ASTN2: variants seen among roughly 807,000 people sequenced by gnomAD.
ASTN2 encodes the protein astrotactin 2, also known as astrotactin-2.
In ASTN2, 54 loss-of-function variants were observed where a neutral mutation model predicts 139.8. The ratio of observed to expected loss-of-function variants is 0.39; its 90% confidence interval spans 0.31 to 0.48. The LOEUF is 0.48. Ranked by LOEUF, ASTN2 falls within the 20% of genes least tolerant of loss-of-function variation. The pLI is 0.95. For synonymous variants in ASTN2, 756 were observed against 719.5 expected (o/e 1.05, Z -0.81); for missense variants, 1,565 against 1,725.1 (o/e 0.91, Z 1.64).
intron 20 of ASTN2, among the ~76,000 whole-genome samples, chr9:116,454,354 T>C (rs1002007556): frequency 4.6e-5 from 7 of 152,038 alleles, no homozygotes; most frequent in Admixed American, 1.3e-4. Context: ...TTCTATTCCA[T>C]ATTGTACTGA....
In ASTN2 at chr9:116,699,433, A is replaced by G; in HGVS notation, c.2806+26338T>C. 1.2e-6 allele frequency: 2 copies of G among 1,614,148 alleles called. No individual in the cohort carries two copies. The highest frequency in any genetic ancestry group is 1.7e-6 in the Non-Finnish European group (2 of 1,180,014). The stretch of plus-strand genomic sequence containing the variant: ...GGCCCTGATGGGCAGCTGGGTCGCC[A>G]GATTAGCCACTTCTTCTCGGAGAAT... On this transcript the variant is annotated intron_variant, in intron 16 of 22. Transcript: ENST00000313400. The surrounding 1 kb of genome is among the most constrained non-coding windows in gnomAD (Gnocchi z 4.2).
At chr9:117,358,391 G>A (rs1829602557) in intron 1 of ASTN2, among the ~76,000 whole-genome samples, 1 of 145,666 alleles carries the variant, frequency 6.9e-6, no homozygotes, top group South Asian at 2.2e-4. Flanking sequence ...GTGAGGGTGT[G>A]GCTCCATCCC....
chr9:117,283,464 C>T (rs1289390721), intron 2 of ASTN2, among the ~76,000 whole-genome samples: 2 of 152,256 alleles, frequency 1.3e-5, no homozygotes, highest in East Asian at 3.9e-4. Context: ...GTATGTCCCA[C>T]TTTTGTAAAA....
intron 13 of ASTN2, among the ~76,000 whole-genome samples, chr9:116,790,616 T>C (rs1357999753): frequency 6.6e-6 from 1 of 151,986 alleles, no homozygotes; most frequent in Admixed American, 6.6e-5. Context: ...ATGCACTTGA[T>C]GAGTAGTCCT....
chr9:116,827,437 A>G (rs1480335297), intron 11 of ASTN2, among the ~76,000 whole-genome samples: 1 of 152,088 alleles, frequency 6.6e-6, no homozygotes, highest in East Asian at 1.9e-4. Flanking sequence ...AGCAATGCAA[A>G]GGATCAATGA....
At chr9:116,878,833 T>G (rs1833372151) in intron 10 of ASTN2, among the ~76,000 whole-genome samples, 1 of 151,716 alleles carries the variant, frequency 6.6e-6, no homozygotes, top group African/African-American at 2.4e-5. Flanking sequence ...GAGGATTATT[T>G]ATTCATAAAG....
intron 1 of ASTN2, among the ~76,000 whole-genome samples, chr9:117,374,730 T>C (rs888820887): frequency 6.6e-6 from 1 of 152,172 alleles, no homozygotes; most frequent in Non-Finnish European, 1.5e-5. Flanking sequence ...GAATAAAGCC[T>C]CATTTTGAGA....
At chr9:116,960,694 T>A (rs1835852800) in intron 10 of ASTN2, among the ~76,000 whole-genome samples, 2 of 152,096 alleles carry the variant, frequency 1.3e-5, no homozygotes, top group African/African-American at 4.8e-5. Flanking sequence ...CCAAATGTCT[T>A]CTGGGGGACA....
chr9:117,120,029 TATATATATATATATATATATACC>T (rs1829513971), intron 4 of ASTN2, among the ~76,000 whole-genome samples: 1 of 90,110 alleles, frequency 1.1e-5, no homozygotes, highest in Admixed American at 1.0e-4. Context: ...TATATATATA[TATATATATATATATATATATACC>T]CTGAGTATAT....
At chr9:116,684,590 G>A (rs186898270) in intron 16 of ASTN2, among the ~76,000 whole-genome samples, 4 of 152,246 alleles carry the variant, frequency 2.6e-5, no homozygotes, top group East Asian at 3.9e-4. Flanking sequence ...CTATAGATGA[G>A]AGTACTAATG....
At position 116,816,199 on chromosome 9, in the gene ASTN2, C is replaced by T. The variant is rs116226557; in HGVS notation, c.2207+4418G>A. ...TAAAATAAGTTCTCTTGGAAGTGTG[C>T]ATGGTAGACTCTGTAAACACATACA... On this transcript the variant is annotated intron_variant, in intron 12 of 22. Coordinates refer to ENST00000313400, the MANE Select transcript of ASTN2 (RefSeq NM_001365068.1). 8.7e-3 allele frequency among the ~76,000 whole-genome samples: 1,319 copies of T among 152,234 alleles called. 26 individuals carry two copies. The highest frequency in any genetic ancestry group is 0.03 in the African/African-American group (1,246 of 41,522).
chr9:116,885,910 C>A (rs1328330356), intron 10 of ASTN2, among the ~76,000 whole-genome samples: 4 of 152,118 alleles, frequency 2.6e-5, no homozygotes, highest in African/African-American at 9.7e-5. Flanking sequence ...TTAGCAAATA[C>A]CTATTGAATG....
intron 1 of ASTN2, among the ~76,000 whole-genome samples, chr9:117,329,421 G>A (rs1264311118): frequency 1.3e-5 from 2 of 151,988 alleles, no homozygotes; most frequent in African/African-American, 4.8e-5. Context: ...GAATAATAAT[G>A]TAGACAGGAA....
chr9:116,425,556 G>A lies in ASTN2; in HGVS notation c.*295C>T, dbSNP rs1474398539. 9.3e-6 allele frequency: 15 copies of A among 1,612,630 alleles called. No homozygotes were observed. The highest frequency in any genetic ancestry group is 1.3e-5 in the Non-Finnish European group (15 of 1,179,468). On this transcript the variant is annotated 3_prime_UTR_variant, in exon 23 of 23. Transcript: ENST00000313400. ...GCTTGGTCTCCACCTGAAAACTTCTGCCTCGGGATTGACAGCCATCCATAA... is the reference window on the plus strand; with the variant it reads ...GCTTGGTCTCCACCTGAAAACTTCTACCTCGGGATTGACAGCCATCCATAA...
chr9:116,442,307 C>T (rs1216555590), intron 21 of ASTN2, 146 bp downstream of exon 21: 3 of 694,588 alleles, frequency 4.3e-6, no homozygotes, highest in African/African-American at 3.5e-5. Context: ...CCATGTTCCT[C>T]CTGTTCCCTT....
At chr9:117,303,571 G>A (rs548153537) in intron 1 of ASTN2, among the ~76,000 whole-genome samples, 24 of 152,240 alleles carry the variant, frequency 1.6e-4, no homozygotes, top group Non-Finnish European at 3.4e-4. Flanking sequence ...GCTCTCCTGT[G>A]CCTTGTCTAT....
At chr9:116,595,871 G>T (rs183850672) in intron 19 of ASTN2, among the ~76,000 whole-genome samples, 36 of 152,204 alleles carry the variant, frequency 2.4e-4, no homozygotes, top group Non-Finnish European at 4.3e-4. Flanking sequence ...CAGTATGCAG[G>T]TTCCTGAAAA....
At chr9:116,459,172 C>T (rs1848413492) in intron 20 of ASTN2, among the ~76,000 whole-genome samples, 1 of 151,884 alleles carries the variant, frequency 6.6e-6, no homozygotes, top group Non-Finnish European at 1.5e-5. Context: ...CTCTCTGTAA[C>T]AAAAGACTCT....
intron 19 of ASTN2, chr9:116,568,404 C>T (rs1853344172): frequency 1.3e-5 from 2 of 151,842 alleles, no homozygotes; most frequent in African/African-American, 4.8e-5. Flanking sequence ...AGATGAAAGA[C>T]CAAGAAAAGC....
Sources: allele counts gnomAD v4.1 joint callset (sites outside exome capture counted in the v4.1 genomes callset), GRCh38; gene constraint gnomAD v4.1.1; non-coding constraint Gnocchi (gnomAD v3.1); transcripts MANE v1.5; gene names NCBI Gene and HGNC (gene_info 2026-07-23, HGNC 2026-07-21).